PTPRN2: variants seen among roughly 807,000 people sequenced by gnomAD.
PTPRN2 encodes receptor-type tyrosine-protein phosphatase N2.
Under a neutral mutation model 118.8 loss-of-function variants are expected in PTPRN2, and 74 were observed. The observed-to-expected ratio is 0.62, with a 90% CI of 0.52 to 0.76. PTPRN2 has a LOEUF of 0.76. Ranked by LOEUF, PTPRN2 falls within the 30% of genes least tolerant of loss-of-function variation. The probability of loss-of-function intolerance (pLI) is 0.00; values close to 1 mark genes in which losing one functional copy is unlikely to be tolerated. For missense variants in PTPRN2, 1,481 were observed against 1,394.4 expected (o/e 1.06, Z -0.99); for synonymous variants, 641 against 608.0 (o/e 1.05, Z -0.80).
At chr7:158,190,742 C>G (rs575217539) in intron 5 of PTPRN2, among the ~76,000 whole-genome samples, 32 of 152,270 alleles carry the variant, frequency 2.1e-4, no homozygotes, top group Non-Finnish European at 3.8e-4. Context: ...AGCCTCTCAA[C>G]TGTGGCCTGT....
chr7:158,029,192 G>T (rs901782154), intron 11 of PTPRN2: 1 of 128,618 alleles, frequency 7.8e-6, no homozygotes, highest in Non-Finnish European at 1.7e-5. Context: ...CCACTCGCCG[G>T]GGGCACGGGG....
intron 12 of PTPRN2, among the ~76,000 whole-genome samples, chr7:157,781,782 A>G (rs1032348268): frequency 6.6e-6 from 1 of 152,120 alleles, no homozygotes; most frequent in Non-Finnish European, 1.5e-5. Flanking sequence ...TTCAGCCTCA[A>G]TACCCTGCCC....
chr7:158,071,004 G>C (rs1811372601), intron 11 of PTPRN2, among the ~76,000 whole-genome samples: 1 of 82,784 alleles, frequency 1.2e-5, no homozygotes, highest in Non-Finnish European at 2.3e-5. Context: ...GGTGCTCATG[G>C]TGGTGGAGGT....
chr7:158,279,217 G>A (rs934071508), intron 3 of PTPRN2, among the ~76,000 whole-genome samples: 2 of 152,202 alleles, frequency 1.3e-5, no homozygotes, highest in Non-Finnish European at 2.9e-5. Flanking sequence ...TTTTACAGAG[G>A]CTAACTGGTC....
chr7:158,281,734 GTCCAGGA>G (rs1421891918), intron 3 of PTPRN2, among the ~76,000 whole-genome samples: 2 of 152,210 alleles, frequency 1.3e-5, no homozygotes, highest in Admixed American at 1.3e-4. Context: ...ACCCCAAGGA[GTCCAGGA>G]GCCAGGAGAG....
rs182112890 is a variant in PTPRN2, at chr7:157,799,686, T to A, written c.1788+98987A>T. Among the ~76,000 whole-genome samples the A allele has an allele frequency of 7.2e-5, 11 of 152,222 alleles. No homozygotes were observed. The East Asian group carries it at 2.1e-3, about 29-fold the overall frequency. On this transcript the variant is annotated intron_variant, in intron 12 of 22. Transcript: ENST00000389418. ...AGTCACATCCCTCTCCCTCTGGAAA[T>A]GTCTGCTGGCTTTGCACCCACCAAG...
chr7:158,515,312 G>A lies in PTPRN2; in HGVS notation c.113-25527C>T, dbSNP rs575472880. 9.2e-5 allele frequency among the ~76,000 whole-genome samples: 14 copies of A among 151,734 alleles called. 1 individual carries two copies. The highest frequency in any genetic ancestry group is 2.7e-4 in the African/African-American group (11 of 41,354). ...AGTGATTCTCCTGCCTCAGTCTCCCGAGTAGCTGGGATTACAGGCACGTGC... is the reference window on the plus strand; with the variant it reads ...AGTGATTCTCCTGCCTCAGTCTCCCAAGTAGCTGGGATTACAGGCACGTGC... On this transcript the variant is annotated intron_variant, in intron 1 of 22. Transcript: ENST00000389418.
chr7:158,147,451 A>C (rs1820235065), intron 6 of PTPRN2, among the ~76,000 whole-genome samples: 1 of 67,144 alleles, frequency 1.5e-5, no homozygotes, highest in Non-Finnish European at 2.6e-5. Flanking sequence ...CCCCTCAATG[A>C]CACCCCATCT....
rs183574316 is a variant in PTPRN2, at chr7:158,278,943, G to A, written c.277+37876C>T. Among the ~76,000 whole-genome samples the A allele has an allele frequency of 1.6e-4, 25 of 152,188 alleles. No homozygotes were observed. The East Asian group carries it at 2.1e-3, about 13-fold the overall frequency. On this transcript the variant is annotated intron_variant, in intron 3 of 22. Transcript: ENST00000389418. ...GCATATCCGGAGTTGTTCATTCCTC[G>A]TGGTGGATTTGTGGTCTCACTGGCC...
chr7:158,068,405 G>A (rs1238480203), intron 11 of PTPRN2, among the ~76,000 whole-genome samples: 1 of 152,224 alleles, frequency 6.6e-6, no homozygotes, highest in Non-Finnish European at 1.5e-5. Flanking sequence ...TGGCTGGACT[G>A]CAGCTGGGGC....
At chr7:157,981,150 A>C (rs964398234) in intron 11 of PTPRN2, among the ~76,000 whole-genome samples, 6 of 152,238 alleles carry the variant, frequency 3.9e-5, no homozygotes, top group African/African-American at 1.2e-4. Flanking sequence ...ACAGCCTTTT[A>C]CCCTAAGAGT....
At chr7:158,151,094 C>T (rs564077276) in intron 6 of PTPRN2, among the ~76,000 whole-genome samples, 2,246 of 57,638 alleles carry the variant, frequency 0.039, 671 homozygotes, top group Middle Eastern at 0.061. Flanking sequence ...CCTGCCCAAA[C>T]CGCCCGCCTT....
intron 6 of PTPRN2, among the ~76,000 whole-genome samples, chr7:158,153,303 A>G (rs1821381902): frequency 1.3e-5 from 2 of 152,330 alleles, no homozygotes; most frequent in South Asian, 4.1e-4. Flanking sequence ...CCAGTACACT[A>G]AGGCAAGAAC....
intron 11 of PTPRN2, among the ~76,000 whole-genome samples, chr7:157,941,833 A>G (rs1800149536): frequency 6.6e-6 from 1 of 151,788 alleles, no homozygotes; most frequent in African/African-American, 2.4e-5. Flanking sequence ...TTCACCACCT[A>G]ATCTCCATGC....
chr7:157,961,063 C>G (rs1188315639), intron 11 of PTPRN2, among the ~76,000 whole-genome samples: 2 of 152,098 alleles, frequency 1.3e-5, no homozygotes. Flanking sequence ...AAACCAAAAC[C>G]ATGGAAGTGA....
intron 5 of PTPRN2, among the ~76,000 whole-genome samples, chr7:158,171,234 T>G (rs1429547337): frequency 7.3e-6 from 1 of 136,234 alleles, no homozygotes; most frequent in African/African-American, 3.0e-5. Context: ...TACACACATA[T>G]ATATACACAT....
At chr7:157,675,371 ACCTTACC>A (rs1796616328) in intron 13 of PTPRN2, among the ~76,000 whole-genome samples, 1 of 151,796 alleles carries the variant, frequency 6.6e-6, no homozygotes, top group African/African-American at 2.4e-5. Flanking sequence ...CCAAGACCTG[ACCTTACC>A]CCCCAGGGCC....
intron 2 of PTPRN2, among the ~76,000 whole-genome samples, chr7:158,455,734 CCCATCGCTCTGCAGAGAAGACAACGGCAT>C (rs1563314566): frequency 1.1e-4 from 17 of 149,176 alleles, no homozygotes; most frequent in East Asian, 2.1e-4. Context: ...GCCATGGCCA[CCCATCGCTCTGCAGAGAAGACAACGGCAT>C]GGACGCCATC....
At chr7:158,534,261 C>T (rs1214123356) in intron 1 of PTPRN2, among the ~76,000 whole-genome samples, 19 of 128,228 alleles carry the variant, frequency 1.5e-4, no homozygotes, top group African/African-American at 2.9e-4. Flanking sequence ...TGACCACCCA[C>T]GCCCCGGGCT....
Sources: gnomAD v4.1 joint callset for allele counts (sites outside exome capture counted in the v4.1 genomes callset) on GRCh38, gnomAD v4.1.1 for gene constraint, MANE v1.5 for transcripts, NCBI Gene and HGNC (gene_info 2026-07-23, HGNC 2026-07-21) for gene names.